The following KIAA1328 variants were observed in gnomAD, a reference collection of about 807,000 sequenced individuals.
KIAA1328 encodes the protein KIAA1328.
KIAA1328 carries 52 observed loss-of-function variants against 68.1 expected under a neutral mutation model. The ratio of observed to expected loss-of-function variants is 0.76; its 90% confidence interval spans 0.61 to 0.96. KIAA1328 has a LOEUF of 0.96. Among genes scored for constraint, KIAA1328 ranks in the 40% least tolerant of loss-of-function variants. The pLI is 0.00. For missense variants in KIAA1328, 641 were observed against 677.6 expected (o/e 0.95, Z 0.60); for synonymous variants, 232 against 239.4 (o/e 0.97, Z 0.28).
At chr18:36,882,211 T>C (rs1019203104) in intron 4 of KIAA1328, among the ~76,000 whole-genome samples, 13 of 152,220 alleles carry the variant, frequency 8.5e-5, no homozygotes, top group African/African-American at 2.4e-4. Flanking sequence ...ACAGAAACCA[T>C]AGAAAGTGAA....
Position 37,117,121 on chromosome 18 carries a change from G to C in KIAA1328, c.1233-43079G>C. On this transcript the variant is annotated intron_variant, in intron 7 of 9. Transcript: ENST00000280020. ...AGTGTGGCGATTCCTCAGGGATCTAGAACTAGAAATACCATTTGACCCGGC... is the reference window on the plus strand; with the variant it reads ...AGTGTGGCGATTCCTCAGGGATCTACAACTAGAAATACCATTTGACCCGGC... Among the ~76,000 whole-genome samples the C allele has an allele frequency of 1.3e-5, 2 of 152,270 alleles. 1 individual carries two copies. Among genetic ancestry groups the C allele is most frequent in the Admixed American group, 1.3e-4 (2 of 15,296 alleles).
At chr18:36,871,758 C>A (rs2047952502) in intron 4 of KIAA1328, among the ~76,000 whole-genome samples, 1 of 151,918 alleles carries the variant, frequency 6.6e-6, no homozygotes, top group Non-Finnish European at 1.5e-5. Context: ...GGGCAACCAA[C>A]CAAGCAGAAA....
intron 7 of KIAA1328, among the ~76,000 whole-genome samples, chr18:37,146,953 A>G (rs1461990291): frequency 6.6e-6 from 1 of 152,172 alleles, no homozygotes; most frequent in Non-Finnish European, 1.5e-5. Flanking sequence ...TAATGAGTAG[A>G]TTAACTCCCT....
chr18:36,978,343 A>G (rs1040438072), intron 6 of KIAA1328, among the ~76,000 whole-genome samples: 2 of 152,214 alleles, frequency 1.3e-5, no homozygotes, highest in African/African-American at 2.4e-5. Flanking sequence ...GGGAAAACAG[A>G]TGTTCAGCAT....
chr18:37,062,457 TG>T (rs1442915751), intron 6 of KIAA1328, among the ~76,000 whole-genome samples: 1 of 139,476 alleles, frequency 7.2e-6, no homozygotes, highest in South Asian at 2.1e-4. Context: ...TTTTTGTTTT[TG>T]TTTTTTTTTT....
intron 7 of KIAA1328, among the ~76,000 whole-genome samples, chr18:37,114,461 T>A (rs2058041888): frequency 6.6e-6 from 1 of 152,140 alleles, no homozygotes; most frequent in African/African-American, 2.4e-5. Flanking sequence ...TTGAAACCAA[T>A]GAGAACAAAT....
At chr18:37,135,187 A>G (rs948466568) in intron 7 of KIAA1328, among the ~76,000 whole-genome samples, 1 of 152,102 alleles carries the variant, frequency 6.6e-6, no homozygotes, top group Non-Finnish European at 1.5e-5. Flanking sequence ...TTTCTGGCAG[A>G]ATGATTTGTT....
At chr18:36,915,227 C>T (rs2049640967) in intron 5 of KIAA1328, among the ~76,000 whole-genome samples, 1 of 152,094 alleles carries the variant, frequency 6.6e-6, no homozygotes, top group Admixed American at 6.6e-5. Context: ...CAGAACTGGA[C>T]CCATGCAAAT....
intron 6 of KIAA1328, among the ~76,000 whole-genome samples, chr18:36,998,923 A>G (rs1278558986): frequency 2.0e-5 from 3 of 152,236 alleles, no homozygotes; most frequent in Admixed American, 6.5e-5. Context: ...GGAGCAGTTG[A>G]TGTTAATCAA....
intron 9 of KIAA1328, among the ~76,000 whole-genome samples, chr18:37,176,224 T>C (rs1568497893): frequency 6.6e-6 from 1 of 152,214 alleles, no homozygotes; most frequent in Non-Finnish European, 1.5e-5. Context: ...CAATGTGTAA[T>C]AAGTGCTAGA....
At chr18:37,115,208 CAAAG>C (rs1375949855) in intron 7 of KIAA1328, among the ~76,000 whole-genome samples, 5 of 152,086 alleles carry the variant, frequency 3.3e-5, no homozygotes, top group Admixed American at 6.5e-5. Context: ...AGAGGCATGA[CAAAG>C]AAAGAGATTT....
At chr18:36,837,633 T>C (rs1239869222) in intron 3 of KIAA1328, among the ~76,000 whole-genome samples, 1 of 152,154 alleles carries the variant, frequency 6.6e-6, no homozygotes, top group African/African-American at 2.4e-5. Context: ...TCCTTTGCTT[T>C]GGTGTCATAT....
chr18:36,860,950 C>G (rs1333059381), intron 4 of KIAA1328, among the ~76,000 whole-genome samples: 1 of 152,050 alleles, frequency 6.6e-6, no homozygotes. Context: ...CTTCCCTTCC[C>G]CTAGCTTTGT....
At chr18:37,220,640 TC>T (rs2060540500) in intron 9 of KIAA1328, among the ~76,000 whole-genome samples, 1 of 152,192 alleles carries the variant, frequency 6.6e-6, no homozygotes, top group African/African-American at 2.4e-5. Flanking sequence ...GCAGTTCCTA[TC>T]CCAGTTCTCA....
In KIAA1328 at chr18:36,979,573, A is replaced by T. The variant is rs575650519; in HGVS notation, c.576+20138A>T. 5.3e-5 allele frequency among the ~76,000 whole-genome samples: 8 copies of T among 152,298 alleles called. No homozygotes were observed. In the South Asian group the frequency reaches 1.7e-3, roughly 32 times the overall value. On this transcript the variant is annotated intron_variant, in intron 6 of 9. Coordinates refer to ENST00000280020, the MANE Select transcript of KIAA1328 (RefSeq NM_020776.3). ...AAGGCTGGTATAGAAATAAGAGATT[A>T]TAGTAATAGGAACTGCAATATATAA... is the stretch of plus-strand genomic sequence containing the variant.
At chr18:36,941,909 T>A (rs754660203) in intron 5 of KIAA1328, among the ~76,000 whole-genome samples, 37 of 152,108 alleles carry the variant, frequency 2.4e-4, no homozygotes, top group Non-Finnish European at 4.3e-4. Context: ...AAAGAAATTG[T>A]TTAGTGAAAC....
chr18:37,174,380 C>CTTTTTT (rs757197220), intron 9 of KIAA1328, among the ~76,000 whole-genome samples: 3 of 120,620 alleles, frequency 2.5e-5, no homozygotes, highest in East Asian at 2.2e-4. Context: ...TGCTTTCTTC[C>CTTTTTT]TTTTTTTTTT....
intron 5 of KIAA1328, chr18:36,946,209 T>C (rs1461226993): frequency 6.6e-6 from 1 of 152,196 alleles, no homozygotes; most frequent in Non-Finnish European, 1.5e-5. Context: ...TTACATCTCT[T>C]ATTTTACTTT....
In KIAA1328 at chr18:36,983,555, C is replaced by T. The variant is rs570872957; in HGVS notation, c.576+24120C>T. Among the ~76,000 whole-genome samples the T allele has an allele frequency of 2.6e-5, 4 of 151,668 alleles. No homozygotes were observed. The East Asian group carries it at 5.8e-4, about 22-fold the overall frequency. ...CTATCAACCAATTTGATGTAATTGC[C>T]GTTATGAGAATACTTAAGAGAAAAA... On this transcript the variant is annotated intron_variant, in intron 6 of 9. Coordinates refer to ENST00000280020, the MANE Select transcript of KIAA1328 (RefSeq NM_020776.3).
Sources: allele counts gnomAD v4.1 joint callset (sites outside exome capture counted in the v4.1 genomes callset), GRCh38; gene constraint gnomAD v4.1.1; transcripts MANE v1.5; gene names NCBI Gene and HGNC (gene_info 2026-07-23, HGNC 2026-07-21).